The following RAB33A variants were observed in gnomAD, a reference collection of about 807,000 sequenced individuals.
RAB33A encodes RAB33A, member RAS oncogene family.
A neutral mutation model predicts 12.0 loss-of-function variants in RAB33A; 6 were observed. The ratio of observed to expected loss-of-function variants is 0.50; its 90% CI spans 0.27 to 0.99. The LOEUF is 0.99. RAB33A is among the 50% of genes least tolerant of loss of function. The pLI is 0.11. For missense variants in RAB33A, 109 were observed against 192.0 expected, an observed-to-expected ratio of 0.57 and a Z score of 2.55; for synonymous variants, 70 against 82.4, an observed-to-expected ratio of 0.85 and a Z score of 0.81.
At chrX:130,133,599 A>C in the RAB33A span, 14 of 762,568 alleles carry the variant, frequency 1.8e-5, no homozygotes, top group Non-Finnish European at 2.3e-5. Flanking sequence ...GTTGTACTTA[A>C]ACTAACAAAA....
the RAB33A span, among the ~76,000 whole-genome samples, chrX:130,120,012 C>T: frequency 9.0e-6 from 1 of 111,679 alleles, no homozygotes. Context: ...CCCACAGGTT[C>T]TGGCCACAAG....
At chrX:130,137,173 C>T in the RAB33A span, 1 of 1,211,192 alleles carries the variant, frequency 8.3e-7, no homozygotes, top group Non-Finnish European at 1.1e-6. Flanking sequence ...CACTTCTGTG[C>T]CCAAGGCTCG....
the RAB33A span, among the ~76,000 whole-genome samples, chrX:130,122,910 A>C: frequency 8.9e-6 from 1 of 112,074 alleles, no homozygotes; most frequent in Non-Finnish European, 1.9e-5. Flanking sequence ...TGTACAATGT[A>C]CAATTTCTAG....
the RAB33A span, among the ~76,000 whole-genome samples, chrX:130,153,552 A>G: frequency 1.8e-5 from 2 of 111,194 alleles, no homozygotes; most frequent in African/African-American, 6.5e-5. Flanking sequence ...CTATTCCTAT[A>G]TTGAAGCCTT....
At chrX:130,183,952 T>C (rs763457942) in intron 1 of RAB33A, among the ~76,000 whole-genome samples, 1 of 111,701 alleles carries the variant, frequency 9.0e-6, no homozygotes, top group Non-Finnish European at 1.9e-5. Flanking sequence ...TGCAATGGCG[T>C]GATCTCGGCT....
At chrX:130,116,420 A>C in the RAB33A span, among the ~76,000 whole-genome samples, 1 of 111,666 alleles carries the variant, frequency 9.0e-6, no homozygotes, top group East Asian at 2.8e-4. Context: ...CAGCCTCTCA[A>C]GTAGCTGGAA....
At chrX:130,146,283 T>G in the RAB33A span, among the ~76,000 whole-genome samples, 2 of 109,517 alleles carry the variant, frequency 1.8e-5, no homozygotes, top group Middle Eastern at 4.2e-3. Context: ...AGAAAAAAAT[T>G]TTTTTAATTA....
chrX:130,184,796 T>C lies in RAB33A; in HGVS notation c.*56T>C. ...TCACTGGAGTTTTTTCTTTCCCTTTTTTCTGTGCCTGCATAATGCTGACAC... is the reference window on the plus strand; with the variant it reads ...TCACTGGAGTTTTTTCTTTCCCTTTCTTCTGTGCCTGCATAATGCTGACAC... On this transcript the variant is annotated 3_prime_UTR_variant, in exon 2 of 2. Transcript: ENST00000257017. 1 of 1,050,279 alleles carries C rather than the reference T, an allele frequency of 9.5e-7. No individual in the cohort carries two copies. The highest frequency in any genetic ancestry group is 1.9e-5 in the African/African-American group (1 of 53,971). 86.6% of individuals were successfully genotyped at this position (1,050,279 alleles called of 1,213,427 possible).
the RAB33A span, chrX:130,145,619 A>G: frequency 1.0e-6 from 1 of 976,694 alleles, no homozygotes; most frequent in Non-Finnish European, 1.5e-6. Context: ...AACTGTTATC[A>G]GCTTCCCCCG....
At chrX:130,118,882 T>G in the RAB33A span, among the ~76,000 whole-genome samples, 1 of 111,544 alleles carries the variant, frequency 9.0e-6, no homozygotes, top group African/African-American at 3.3e-5. Context: ...GGTCCCCTCG[T>G]GCATGCATGT....
At chrX:130,150,977 CAAAA>C in the RAB33A span, among the ~76,000 whole-genome samples, 1 of 27,797 alleles carries the variant, frequency 3.6e-5, no homozygotes, top group African/African-American at 1.8e-4. Context: ...GACTCTGTCT[CAAAA>C]AAAAAAAAAA....
At chrX:130,182,185 C>CAT (rs1569427029) in intron 1 of RAB33A, among the ~76,000 whole-genome samples, 135 of 73,137 alleles carry the variant, frequency 1.8e-3, no homozygotes, top group African/African-American at 6.0e-3. Flanking sequence ...TATATATACA[C>CAT]ATATATATAA....
At chrX:130,166,821 A>G in the RAB33A span, among the ~76,000 whole-genome samples, 1 of 112,026 alleles carries the variant, frequency 8.9e-6, no homozygotes, top group Non-Finnish European at 1.9e-5. Context: ...GTCGAGGAGC[A>G]TCTGGACTTA....
chrX:130,183,566 T>G (rs1056157961), intron 1 of RAB33A, among the ~76,000 whole-genome samples: 8 of 109,652 alleles, frequency 7.3e-5, no homozygotes, highest in Non-Finnish European at 1.3e-4. Context: ...AAAAAAAAAA[T>G]TCTAAATAAC....
chrX:130,161,653 G>T, the RAB33A span, among the ~76,000 whole-genome samples: 1 of 103,781 alleles, frequency 9.6e-6, no homozygotes, highest in African/African-American at 3.6e-5. Context: ...TGTCGTCCAG[G>T]CTGGAGTGCA....
At chrX:130,136,818 C>A in the RAB33A span, 3 of 1,058,899 alleles carry the variant, frequency 2.8e-6, no homozygotes, top group East Asian at 3.0e-5. Flanking sequence ...GTCTCCTCCA[C>A]GGTAAAACCA....
chrX:130,179,698 C>T (rs2031701471), intron 1 of RAB33A, among the ~76,000 whole-genome samples: 2 of 100,855 alleles, frequency 2.0e-5, no homozygotes, highest in Non-Finnish European at 4.0e-5. Context: ...TGATCACAGT[C>T]AGACGTTCTC....
At chrX:130,121,164 G>A in the RAB33A span, among the ~76,000 whole-genome samples, 1 of 112,146 alleles carries the variant, frequency 8.9e-6, no homozygotes, top group Admixed American at 9.4e-5. Context: ...GGCCGGATCC[G>A]CTGACTCATG....
At chrX:130,129,354 G>T in the RAB33A span, 1 of 449,177 alleles carries the variant, frequency 2.2e-6, no homozygotes, top group Non-Finnish European at 3.9e-6. Flanking sequence ...CTTGACAAGA[G>T]AACAGAATTT....
Sources: gnomAD v4.1 joint callset for allele counts (sites outside exome capture counted in the v4.1 genomes callset) on GRCh38, gnomAD v4.1.1 for gene constraint, MANE v1.5 for transcripts, NCBI Gene and HGNC (gene_info 2026-07-23, HGNC 2026-07-21) for gene names.